NRG3: variants seen among roughly 807,000 people sequenced by gnomAD.
NRG3 encodes the protein pro-neuregulin-3, membrane-bound isoform.
Under a neutral mutation model 66.9 loss-of-function variants are expected in NRG3, and 31 were observed. That is an observed-to-expected ratio of 0.46 (90% CI 0.35 to 0.63). The LOEUF is 0.63. NRG3 is among the 20% of genes least tolerant of loss of function. The probability of loss-of-function intolerance (pLI) is 0.00; values close to 1 mark genes in which losing one functional copy is unlikely to be tolerated. For missense variants in NRG3, 910 were observed against 878.9 expected, an observed-to-expected ratio of 1.04 and a Z score of -0.45; for synonymous variants, 393 against 359.4, an observed-to-expected ratio of 1.09 and a Z score of -1.06.
intron 2 of NRG3, among the ~76,000 whole-genome samples, chr10:82,565,465 T>C (rs1041278550): frequency 6.6e-6 from 1 of 152,132 alleles, no homozygotes; most frequent in Non-Finnish European, 1.5e-5. Flanking sequence ...GCTCCTGTTT[T>C]GTGGGTAACA....
rs916523302 is a variant in NRG3 at position 82,912,067 on chromosome 10, T to C, written c.1055-39402T>C. ...CTTTGTATGATTTATATAATTTTCA[T>C]GTGTTAAGATATGTTTTGTGACCCA... is the stretch of plus-strand genomic sequence containing the variant. On this transcript the variant is annotated intron_variant, in intron 4 of 8. Coordinates refer to ENST00000372141, the MANE Select transcript of NRG3 (RefSeq NM_001010848.4). 3.5e-4 allele frequency among the ~76,000 whole-genome samples: 54 copies of C among 152,202 alleles called. 2 individuals are homozygous for C. The highest frequency in any genetic ancestry group is 4.4e-5 in the Non-Finnish European group (3 of 68,002).
At chr10:82,055,526 T>A (rs2063804043) in intron 1 of NRG3, among the ~76,000 whole-genome samples, 1 of 151,158 alleles carries the variant, frequency 6.6e-6, no homozygotes, top group East Asian at 1.9e-4. Context: ...AGTGTAGTGA[T>A]GAGCAAAAAC....
chr10:82,441,619 T>G (rs529352197), intron 2 of NRG3, among the ~76,000 whole-genome samples: 1 of 152,280 alleles, frequency 6.6e-6, no homozygotes, highest in East Asian at 1.9e-4. Flanking sequence ...AGTGCTGTAG[T>G]AACATGGGCA....
At chr10:82,665,254 C>T (rs2052673129) in intron 2 of NRG3, among the ~76,000 whole-genome samples, 1 of 152,172 alleles carries the variant, frequency 6.6e-6, no homozygotes, top group Non-Finnish European at 1.5e-5. Context: ...TCAAGCCCTT[C>T]CTATAGCACG....
chr10:82,242,262 T>G (rs1367330541), intron 1 of NRG3, among the ~76,000 whole-genome samples: 2 of 152,168 alleles, frequency 1.3e-5, no homozygotes, highest in African/African-American at 4.8e-5. Context: ...GGAATTTTCT[T>G]GTCATAAAAT....
chr10:82,911,564 TTGA>T (rs1238627406), intron 4 of NRG3, among the ~76,000 whole-genome samples: 2 of 151,806 alleles, frequency 1.3e-5, no homozygotes, highest in Non-Finnish European at 2.9e-5. Flanking sequence ...TATTTTAATA[TTGA>T]TGAGATCAGT....
intron 3 of NRG3, among the ~76,000 whole-genome samples, chr10:82,751,399 T>C (rs1222571269): frequency 6.6e-6 from 1 of 152,182 alleles, no homozygotes; most frequent in African/African-American, 2.4e-5. Context: ...TGCAGGACAT[T>C]TTTAAATATT....
intron 1 of NRG3, among the ~76,000 whole-genome samples, chr10:82,041,337 T>C (rs1320594870): frequency 6.6e-6 from 1 of 152,034 alleles, no homozygotes; most frequent in Non-Finnish European, 1.5e-5. Context: ...ACCTTACTTC[T>C]CCATCAGTTC....
At chr10:82,868,842 GC>G (rs1841017113) in intron 4 of NRG3, among the ~76,000 whole-genome samples, 1 of 151,996 alleles carries the variant, frequency 6.6e-6, no homozygotes, top group African/African-American at 2.4e-5. Flanking sequence ...ACAGGCGCCT[GC>G]CACCACGCTC....
chr10:82,312,373 C>T (rs997130486), intron 1 of NRG3, among the ~76,000 whole-genome samples: 2 of 152,142 alleles, frequency 1.3e-5, no homozygotes, highest in African/African-American at 2.4e-5. Context: ...AGCAGCAAAA[C>T]TTATCCCTAG....
chr10:82,841,381 T>C (rs1427113833), intron 3 of NRG3, among the ~76,000 whole-genome samples: 1 of 152,232 alleles, frequency 6.6e-6, no homozygotes, highest in East Asian at 1.9e-4. Context: ...ATCAGCGTTC[T>C]CTAGAGAAAC....
At chr10:82,842,329 G>C (rs1461194589) in intron 3 of NRG3, among the ~76,000 whole-genome samples, 2 of 152,150 alleles carry the variant, frequency 1.3e-5, no homozygotes, top group African/African-American at 4.8e-5. Context: ...GCCTCATACA[G>C]AACTTGGCTT....
At chr10:82,039,346 G>A (rs1472183894) in intron 1 of NRG3, among the ~76,000 whole-genome samples, 1 of 152,020 alleles carries the variant, frequency 6.6e-6, no homozygotes, top group African/African-American at 2.4e-5. Context: ...GAGCCTATTA[G>A]CCATGAAATT....
chr10:82,902,846 GT>G (rs1193977719), intron 4 of NRG3, among the ~76,000 whole-genome samples: 2 of 151,730 alleles, frequency 1.3e-5, no homozygotes, highest in African/African-American at 4.8e-5. Context: ...GAGTTTTTGG[GT>G]TTGAACTGCA....
chr10:82,942,748 T>C (rs528413314), intron 4 of NRG3, among the ~76,000 whole-genome samples: 1 of 152,266 alleles, frequency 6.6e-6, no homozygotes, highest in East Asian at 1.9e-4. Flanking sequence ...CACCACCAGC[T>C]GTAACTGCTC....
intron 4 of NRG3, among the ~76,000 whole-genome samples, chr10:82,919,201 A>C (rs1033363752): frequency 6.6e-6 from 1 of 152,094 alleles, no homozygotes; most frequent in Non-Finnish European, 1.5e-5. Flanking sequence ...AATTGAGATG[A>C]GAACCTACCA....
chr10:82,816,303 G>A (rs116504459), intron 3 of NRG3, among the ~76,000 whole-genome samples: 4,199 of 152,322 alleles, frequency 0.028, 175 homozygotes, highest in African/African-American at 0.094. Context: ...GGGTGATCAA[G>A]GCAAAGAGGA....
At chr10:82,540,126 C>T (rs1333185424) in intron 2 of NRG3, among the ~76,000 whole-genome samples, 1 of 151,058 alleles carries the variant, frequency 6.6e-6, no homozygotes, top group Non-Finnish European at 1.5e-5. Context: ...GCTGTTGCTG[C>T]TTTGTTTTTT....
At chr10:82,488,940 T>C (rs559494973) in intron 2 of NRG3, among the ~76,000 whole-genome samples, 1 of 152,366 alleles carries the variant, frequency 6.6e-6, no homozygotes, top group African/African-American at 2.4e-5. Context: ...AAATTTCAGT[T>C]GGGATCACTT....
Sources: gnomAD v4.1 joint callset for allele counts (sites outside exome capture counted in the v4.1 genomes callset) on GRCh38, gnomAD v4.1.1 for gene constraint, MANE v1.5 for transcripts, NCBI Gene and HGNC (gene_info 2026-07-23, HGNC 2026-07-21) for gene names.